The following GUF1 variants were observed in gnomAD, a reference collection of about 807,000 sequenced individuals.
The protein encoded by GUF1 is translation factor GUF1, mitochondrial.
In GUF1, 78 loss-of-function variants were observed where a neutral mutation model predicts 82.4. The observed-to-expected ratio is 0.95, with a 90% CI of 0.79 to 1.14. GUF1 has a LOEUF of 1.14. GUF1 is among the 50% of genes most tolerant of loss of function. GUF1 has a pLI of 0.00. For missense variants in GUF1, 814 were observed against 798.2 expected (o/e 1.02, Z -0.24); for synonymous variants, 279 against 282.3 (o/e 0.99, Z 0.12).
At position 44,686,679 on chromosome 4, in the gene GUF1, G is replaced by A; in HGVS notation, c.904G>A (p.Val302Ile). 3 of 1,610,238 alleles carry A rather than the reference G, an allele frequency of 1.9e-6. No individual in the cohort carries two copies. Among genetic ancestry groups the A allele is most frequent in the Non-Finnish European group, 2.5e-6 (3 of 1,177,010 alleles). The change falls in exon 8 of 17, where the codon GTC becomes ATC. Residue 302 changes from valine (V) to isoleucine (I), a missense_variant. Transcript: ENST00000281543. The part of the protein sequence containing the change: ...QKTYEVNEVG[V>I]LNPNEQPTHK... ...GACATACGAAGTTAATGAAGTAGGAGTCTTGAATCCTAATGAGCAGCCAAC... is the reference window on the plus strand; with the variant it reads ...GACATACGAAGTTAATGAAGTAGGAATCTTGAATCCTAATGAGCAGCCAAC...
chr4:44,690,099 C>T (rs1715339437), intron 11 of GUF1, 124 bp downstream of exon 11: 1 of 578,486 alleles, frequency 1.7e-6, no homozygotes, highest in Non-Finnish European at 2.6e-6. Flanking sequence ...AAGTATTAAA[C>T]AAAATATTTA....
In GUF1 at chr4:44,681,172, AG is replaced by A. The variant is rs746529546; in HGVS notation, c.479del (p.Gly160ValfsTer17). 6.2e-7 allele frequency: 1 copy of A among 1,613,034 alleles called. No individual in the cohort carries two copies. Among genetic ancestry groups the A allele is most frequent in the South Asian group, 1.1e-5 (1 of 91,050 alleles). On this transcript the variant is annotated frameshift_variant, in exon 4 of 17. Coordinates refer to ENST00000281543, the MANE Select transcript of GUF1 (RefSeq NM_021927.3). LOFTEE classifies it high-confidence loss of function. The stretch of plus-strand genomic sequence containing the variant: ...GTATCCAGGTCACTTTCTGCTTGCC[AG>A]GGTGTTTTACTTGTGGTTGATGCAA... ...YEVSRSLSACQGVLLVVDANE... is the reference protein window; with the variant it reads ...YEVSRSLSACXGVLLVVDANE...
intron 5 of GUF1, 141 bp downstream of exon 5, chr4:44,682,552 G>A (rs1352490057): frequency 2.1e-5 from 9 of 435,782 alleles, no homozygotes; most frequent in Non-Finnish European, 2.8e-5. Context: ...TCTTTGAATT[G>A]TATATAACAG....
In GUF1 at chr4:44,700,225, C is replaced by T. The variant is rs1042696337; in HGVS notation, c.*1544C>T. 1 of 152,140 alleles carries T rather than the reference C, an allele frequency of 6.6e-6. No individual in the cohort carries two copies. Among genetic ancestry groups the T allele is most frequent in the Non-Finnish European group, 1.5e-5 (1 of 68,010 alleles). 9.4% of individuals were successfully genotyped at this position (152,140 alleles called of 1,614,324 possible). ...AACTGATTGAGGCAAACCTGCCTCC[C>T]ATTTTATTCCTAAATAAGACAGCCA... On this transcript the variant is annotated 3_prime_UTR_variant, in exon 17 of 17. Transcript: ENST00000281543.
At chr4:44,695,346 A>G (rs573222433) in intron 14 of GUF1, among the ~76,000 whole-genome samples, 28 of 152,346 alleles carry the variant, frequency 1.8e-4, no homozygotes, top group African/African-American at 6.0e-4. Flanking sequence ...ATCATTCCAA[A>G]ATGTTTAACC....
At chr4:44,682,746 T>C (rs1038541173) in intron 5 of GUF1, 2 of 174,876 alleles carry the variant, frequency 1.1e-5, no homozygotes, top group African/African-American at 4.7e-5. Context: ...ATACAACACA[T>C]GAAGCATGAC....
Position 44,698,953 on chromosome 4 carries a change from A to G in GUF1, c.*272A>G, listed in dbSNP as rs1716035410. 6.7e-6 allele frequency: 2 copies of G among 300,452 alleles called. No homozygotes were observed. Among genetic ancestry groups the G allele is most frequent in the Non-Finnish European group, 1.2e-5 (2 of 162,738 alleles). 18.6% of individuals were successfully genotyped at this position (300,452 alleles called of 1,614,324 possible). The stretch of plus-strand genomic sequence containing the variant: ...TCAGTAAAATCGAGATTATACTACT[A>G]CCTACATAAGTTGTTGTTGTGAAGA... On this transcript the variant is annotated 3_prime_UTR_variant, in exon 17 of 17. Coordinates refer to ENST00000281543, the MANE Select transcript of GUF1 (RefSeq NM_021927.3).
chr4:44,686,681 C>G lies in GUF1; in HGVS notation c.906C>G (p.Val302=). ...CATACGAAGTTAATGAAGTAGGAGT[C>G]TTGAATCCTAATGAGCAGCCAACTC... ...QKTYEVNEVG[V]LNPNEQPTHK... The change falls in exon 8 of 17, where the codon GTC becomes GTG. Residue 302 remains valine, a synonymous_variant. Coordinates refer to ENST00000281543, the MANE Select transcript of GUF1 (RefSeq NM_021927.3). 3.7e-6 allele frequency: 6 copies of G among 1,610,896 alleles called. No individual in the cohort carries two copies. In the Middle Eastern group the frequency reaches 8.3e-4, roughly 222 times the overall value.
At chr4:44,682,139 C>T (rs926278664) in intron 4 of GUF1, 195 bp from the exon 5 acceptor site, 2 of 368,806 alleles carry the variant, frequency 5.4e-6, no homozygotes, top group Non-Finnish European at 5.0e-6. Context: ...TTACCATCAG[C>T]GATTTTCATA....
chr4:44,690,741 A>T lies in GUF1; in HGVS notation c.1360A>T (p.Ile454Phe), dbSNP rs375857921. 3.4e-5 allele frequency: 54 copies of T among 1,572,954 alleles called. No homozygotes were observed. In the African/African-American group the frequency reaches 6.8e-4, roughly 20 times the overall value. Residue 454 changes from isoleucine to phenylalanine, a missense_variant, in exon 12 of 17, where the codon ATT becomes TTT. Ile to Phe is a conservative substitution (Grantham distance 21, BLOSUM62 0). Coordinates refer to ENST00000281543, the MANE Select transcript of GUF1 (RefSeq NM_021927.3). Reference protein sequence around the residue: ...IKEHREKEITIINPAQFPDKS... With the variant: ...IKEHREKEITFINPAQFPDKS... The stretch of plus-strand genomic sequence containing the variant: ...GGAACATAGAGAAAAAGAAATTACA[A>T]TTATCAATCCTGCACAATTCCCCGA...
intron 14 of GUF1, among the ~76,000 whole-genome samples, chr4:44,695,062 C>T (rs963710201): frequency 6.6e-6 from 1 of 152,078 alleles, no homozygotes; most frequent in African/African-American, 2.4e-5. Flanking sequence ...CCTCGGCCTC[C>T]CAAAGTGCTG....
At position 44,691,779 on chromosome 4, in the gene GUF1, C is replaced by T; in HGVS notation, c.1593C>T (p.Ser531=). The T allele has an allele frequency of 6.3e-7, 1 of 1,590,430 alleles. No homozygotes were observed. The highest frequency in any genetic ancestry group is 2.3e-5 in the East Asian group (1 of 43,506). ...TAGATTTTTATGACTCTTTGAAATC[C>T]CTATCTTCTGGATATGCTAGGTAAA... is the stretch of plus-strand genomic sequence containing the variant. ...IVVDFYDSLK[S]LSSGYASFDY... Residue 531 remains serine (S), a synonymous_variant, in exon 13 of 17, where the codon TCC becomes TCT. Transcript: ENST00000281543.
intron 15 of GUF1, among the ~76,000 whole-genome samples, chr4:44,695,985 C>G (rs895787221): frequency 2.1e-4 from 32 of 152,124 alleles, no homozygotes; most frequent in Admixed American, 2.1e-3. Flanking sequence ...TTAATTTCCA[C>G]TCATATCAAT....
Position 44,682,384 on chromosome 4 carries a change from G to A in GUF1, c.558G>A (p.Gln186=), listed in dbSNP as rs369765501. The change falls in exon 5 of 17, where the codon CAG becomes CAA. Residue 186 remains glutamine, a synonymous_variant. Coordinates refer to ENST00000281543, the MANE Select transcript of GUF1 (RefSeq NM_021927.3). ...ACTTCTTTCTTGCCTTCGAAGCACA[G>A]CTATCGGTAATTCCAGTTATAAATA... ...VANFFLAFEA[Q]LSVIPVINKI... The A allele has an allele frequency of 2.0e-5, 30 of 1,531,890 alleles. No homozygotes were observed. In the African/African-American group the frequency reaches 4.2e-4, roughly 22 times the overall value. 94.9% of individuals were successfully genotyped at this position (1,531,890 alleles called of 1,614,324 possible).
chr4:44,697,665 T>G (rs867851748), intron 16 of GUF1, among the ~76,000 whole-genome samples: 18 of 151,252 alleles, frequency 1.2e-4, no homozygotes, highest in African/African-American at 4.3e-4. Context: ...ACAAAAATAT[T>G]TATTAAAATT....
rs1373205024 is a variant in GUF1 at position 44,700,532 on chromosome 4, C to A, written c.*1851C>A. On this transcript the variant is annotated 3_prime_UTR_variant, in exon 17 of 17. Transcript: ENST00000281543. The stretch of plus-strand genomic sequence containing the variant: ...TCCTGCCTTTCAAGACCAATGTACA[C>A]CTTACACATACTGATTGATGTCTCA... The A allele has an allele frequency of 2.6e-5, 4 of 152,170 alleles. No homozygotes were observed. Among genetic ancestry groups the A allele is most frequent in the Non-Finnish European group, 5.9e-5 (4 of 68,056 alleles). 9.4% of individuals were successfully genotyped at this position (152,170 alleles called of 1,614,324 possible).
Position 44,678,425 on chromosome 4 carries a change from TCGGCAAGCTGCGC to T in GUF1, c.-195_-183del, listed in dbSNP as rs1407130783. The T allele has an allele frequency of 2.1e-6, 1 of 482,802 alleles. No homozygotes were observed. The highest frequency in any genetic ancestry group is 4.4e-5 in the Admixed American group (1 of 22,974). The allele number at this position is 482,802 out of a possible 1,614,324, so 29.9% of individuals were successfully genotyped here. A position where few individuals can be genotyped will look rare whatever the true frequency, so the allele number is the denominator to read the frequency against. ...CACGACAGCGTGCGGCGTGCAGACGTCGGCAAGCTGCGCCGCCGCTTCGGGTTGCTTCCGGATC... is the reference window on the plus strand; with the variant it reads ...CACGACAGCGTGCGGCGTGCAGACGTCGCCGCTTCGGGTTGCTTCCGGATC... On this transcript the variant is annotated 5_prime_UTR_variant, in exon 1 of 17. Coordinates refer to ENST00000281543, the MANE Select transcript of GUF1 (RefSeq NM_021927.3).
Position 44,680,759 on chromosome 4 carries a change from G to A in GUF1, c.343G>A (p.Gly115Arg), listed in dbSNP as rs1333834826. ...LDKLQVERERGITVKAQTASL... is the reference protein window; with the variant it reads ...LDKLQVERERRITVKAQTASL... ...TAAATTGCAAGTGGAACGAGAAAGA[G>A]GAATCACTGTTAAAGCACAGACAGC... Residue 115 changes from glycine to arginine, a missense_variant, in exon 3 of 17, where the codon GGA (glycine) becomes AGA (arginine). Gly to Arg is a moderately radical substitution (Grantham distance 125). Coordinates refer to ENST00000281543, the MANE Select transcript of GUF1 (RefSeq NM_021927.3). 5.0e-6 allele frequency: 8 copies of A among 1,611,568 alleles called. No homozygotes were observed. Among genetic ancestry groups the A allele is most frequent in the Non-Finnish European group, 5.1e-6 (6 of 1,178,336 alleles).
chr4:44,680,784 C>G lies in GUF1; in HGVS notation c.368C>G (p.Ala123Gly), dbSNP rs748978158. The stretch of plus-strand genomic sequence containing the variant: ...GGAATCACTGTTAAAGCACAGACAG[C>G]ATCTCTCTTTTACAATTGTGAAGGA... ...ERGITVKAQT[A>G]SLFYNCEGKQ... Residue 123 changes from alanine (A) to glycine (G), a missense_variant, in exon 3 of 17, where the codon GCA (alanine) becomes GGA (glycine). By Grantham distance (60) the Ala-to-Gly change is moderately conservative (BLOSUM62 0). Transcript: ENST00000281543. The G allele has an allele frequency of 3.1e-6, 5 of 1,611,470 alleles. No homozygotes were observed. The highest frequency in any genetic ancestry group is 1.1e-5 in the South Asian group (1 of 90,916).
Sources: gnomAD v4.1 joint callset for allele counts (sites outside exome capture counted in the v4.1 genomes callset) on GRCh38, gnomAD v4.1.1 for gene constraint, MANE v1.5 for transcripts, NCBI Gene and HGNC (gene_info 2026-07-23, HGNC 2026-07-21) for gene names.